Variants in HPSE2 observed in about 807,000 individuals in gnomAD.
HPSE2 encodes the protein heparanase 2 (inactive).
A neutral mutation model predicts 60.5 loss-of-function variants in HPSE2; 38 were observed. The observed-to-expected ratio is 0.63, with a 90% CI of 0.48 to 0.82. The LOEUF (loss-of-function observed/expected upper bound fraction) is 0.82. Ranked by LOEUF, HPSE2 falls within the 40% of genes least tolerant of loss-of-function variation. HPSE2 has a pLI of 0.00. For synonymous variants in HPSE2, 295 were observed against 293.2 expected, an observed-to-expected ratio of 1.01 and a Z score of -0.06; for missense variants, 713 against 740.4, an observed-to-expected ratio of 0.96 and a Z score of 0.43.
At chr10:98,556,159 T>C (rs1944002013) in intron 9 of HPSE2, among the ~76,000 whole-genome samples, 1 of 152,170 alleles carries the variant, frequency 6.6e-6, no homozygotes, top group South Asian at 2.1e-4. Context: ...GCTTACCAGA[T>C]AGCGACACAG....
the HPSE2 span, among the ~76,000 whole-genome samples, chr10:99,244,568 A>AT: frequency 0.75 from 55,197 of 73,716 alleles, 23,571 homozygotes; most frequent in Non-Finnish European, 0.85. Flanking sequence ...CTATGCCTGG[A>AT]TTTTTTTTTT....
At chr10:99,005,221 G>A (rs1956863897) in intron 3 of HPSE2, among the ~76,000 whole-genome samples, 1 of 151,202 alleles carries the variant, frequency 6.6e-6, no homozygotes, top group African/African-American at 2.4e-5. Flanking sequence ...AAAGTTTTCT[G>A]TTACTATTTC....
intron 11 of HPSE2, among the ~76,000 whole-genome samples, chr10:98,474,825 A>G (rs1330506945): frequency 6.6e-6 from 1 of 152,156 alleles, no homozygotes; most frequent in Non-Finnish European, 1.5e-5. Context: ...GGCACCACCC[A>G]CAGGCTGCTT....
At chr10:98,837,112 C>G (rs911803732) in intron 3 of HPSE2, among the ~76,000 whole-genome samples, 9 of 152,160 alleles carry the variant, frequency 5.9e-5, no homozygotes, top group African/African-American at 1.7e-4. Flanking sequence ...TAAAAAACAT[C>G]TTCATAGCAA....
intron 3 of HPSE2, among the ~76,000 whole-genome samples, chr10:98,940,260 CA>C (rs1286887149): frequency 1.4e-5 from 2 of 143,034 alleles, no homozygotes; most frequent in Admixed American, 7.0e-5. Flanking sequence ...AATAGAGACA[CA>C]AAAAACCCTT....
intron 2 of HPSE2, among the ~76,000 whole-genome samples, chr10:99,191,586 T>C (rs1277015157): frequency 2.0e-5 from 3 of 152,216 alleles, no homozygotes; most frequent in African/African-American, 4.8e-5. Flanking sequence ...CATGCAGATA[T>C]AGCTGCAGTG....
intron 9 of HPSE2, among the ~76,000 whole-genome samples, chr10:98,531,054 T>C (rs1396036769): frequency 6.6e-6 from 1 of 152,256 alleles, no homozygotes; most frequent in East Asian, 1.9e-4. Flanking sequence ...CACTATACTA[T>C]GGAAGTTAGG....
intron 3 of HPSE2, among the ~76,000 whole-genome samples, chr10:98,759,646 T>C (rs1949961381): frequency 2.0e-5 from 3 of 152,104 alleles, no homozygotes; most frequent in Admixed American, 2.0e-4. Flanking sequence ...GTTACATTGA[T>C]CTATATGTCT....
At chr10:99,252,855 C>T in the HPSE2 span, among the ~76,000 whole-genome samples, 127 of 129,442 alleles carry the variant, frequency 9.8e-4, 2 homozygotes, top group Middle Eastern at 9.3e-3. Flanking sequence ...CCAGCCTGGG[C>T]GACAGAGCGA....
chr10:99,086,346 C>CTT (rs66562418), intron 3 of HPSE2, among the ~76,000 whole-genome samples: 2,735 of 82,716 alleles, frequency 0.033, 99 homozygotes, highest in African/African-American at 0.044. Flanking sequence ...AAAGTACTTT[C>CTT]TTTTTTTTTT....
intron 4 of HPSE2, among the ~76,000 whole-genome samples, chr10:98,737,999 A>G (rs572856403): frequency 6.6e-6 from 1 of 152,322 alleles, no homozygotes; most frequent in African/African-American, 2.4e-5. Context: ...TTTCATATGG[A>G]AACAAAAAAG....
intron 3 of HPSE2, among the ~76,000 whole-genome samples, chr10:99,095,681 A>G (rs1226592015): frequency 6.6e-6 from 1 of 152,184 alleles, no homozygotes; most frequent in African/African-American, 2.4e-5. Flanking sequence ...GCATAGCACA[A>G]TGTTTTCCAG....
chr10:99,151,497 A>G (rs547901290), intron 2 of HPSE2, among the ~76,000 whole-genome samples: 3 of 152,322 alleles, frequency 2.0e-5, no homozygotes, highest in Admixed American at 6.5e-5. Flanking sequence ...AAGAAGTACA[A>G]CAAACCTCAA....
chr10:98,465,487 C>G (rs1940488611), intron 11 of HPSE2, among the ~76,000 whole-genome samples: 1 of 152,116 alleles, frequency 6.6e-6, no homozygotes, highest in African/African-American at 2.4e-5. Context: ...CTAAAGAGCC[C>G]CAGGAGATAC....
At chr10:98,795,609 T>A (rs991252719) in intron 3 of HPSE2, among the ~76,000 whole-genome samples, 19 of 152,206 alleles carry the variant, frequency 1.2e-4, no homozygotes, top group Admixed American at 1.1e-3. Context: ...CCACAGGGAC[T>A]GCAATTCCTA....
At chr10:98,580,836 A>ATGTGTGTGTGTGTG (rs1244040035) in intron 9 of HPSE2, among the ~76,000 whole-genome samples, 3 of 119,536 alleles carry the variant, frequency 2.5e-5, no homozygotes, top group African/African-American at 1.1e-4. Context: ...ATATATATAT[A>ATGTGTGTGTGTGTG]TGTGTGTGTG....
chr10:99,206,538 T>C (rs1268033647), intron 2 of HPSE2, among the ~76,000 whole-genome samples: 1 of 150,904 alleles, frequency 6.6e-6, no homozygotes, highest in East Asian at 2.0e-4. Flanking sequence ...GCTGCAGTGG[T>C]TGACAGAGCA....
intron 9 of HPSE2, among the ~76,000 whole-genome samples, chr10:98,592,514 G>A (rs1193002084): frequency 6.6e-6 from 1 of 152,014 alleles, no homozygotes; most frequent in African/African-American, 2.4e-5. Flanking sequence ...AACTTCCCCA[G>A]ACCCCCTGGA....
the HPSE2 span, among the ~76,000 whole-genome samples, chr10:99,260,695 C>A: frequency 6.6e-6 from 1 of 152,200 alleles, no homozygotes; most frequent in East Asian, 1.9e-4. Flanking sequence ...CTGCCTTGGT[C>A]ATTCACCCAC....
Sources: allele counts gnomAD v4.1 joint callset (sites outside exome capture counted in the v4.1 genomes callset), GRCh38; gene constraint gnomAD v4.1.1; transcripts MANE v1.5; gene names NCBI Gene and HGNC (gene_info 2026-07-23, HGNC 2026-07-21).